CEP78: variants seen among roughly 807,000 people sequenced by gnomAD.
The protein encoded by CEP78 is centrosomal protein of 78 kDa.
CEP78 carries 76 observed loss-of-function variants against 81.2 expected under a neutral mutation model. That is an observed-to-expected ratio of 0.94 (90% CI 0.78 to 1.13). The LOEUF (loss-of-function observed/expected upper bound fraction) is 1.13, where lower values mean the gene tolerates loss of function less well. Among genes scored for constraint, CEP78 ranks in the 50% most tolerant of loss-of-function variants. The pLI is 0.00. For missense variants in CEP78, 918 were observed against 846.8 expected, an observed-to-expected ratio of 1.08 and a Z score of -1.04; for synonymous variants, 293 against 301.4, an observed-to-expected ratio of 0.97 and a Z score of 0.29.
intron 5 of CEP78, 58 bp from the exon 6 acceptor site, chr9:78,246,611 C>G (rs1288455268): frequency 2.5e-5 from 30 of 1,180,982 alleles, no homozygotes; most frequent in Non-Finnish European, 3.0e-5. Context: ...AAAAAACAAA[C>G]AAACAAACAA....
In CEP78 at chr9:78,279,527, A is replaced by T. The variant is rs1204838501; in HGVS notation, c.*8676A>T. 2 of 152,252 alleles carry T rather than the reference A, an allele frequency of 1.3e-5. No individual in the cohort carries two copies. Among genetic ancestry groups the T allele is most frequent in the African/African-American group, 4.8e-5 (2 of 41,474 alleles). 9.4% of individuals were successfully genotyped at this position (152,252 alleles called of 1,614,324 possible). A position where few individuals can be genotyped will look rare whatever the true frequency, so the allele number is the denominator to read the frequency against. Reference sequence around the variant, plus strand: ...AATGAGGCCTGAGAGGTATTGATTCACTTGGTTGAGGGCTTCAAGTAGCAC... The same window carrying T: ...AATGAGGCCTGAGAGGTATTGATTCTCTTGGTTGAGGGCTTCAAGTAGCAC... On this transcript the variant is annotated 3_prime_UTR_variant, in exon 17 of 17. Transcript: ENST00000643273.
At chr9:78,250,394 A>T in intron 8 of CEP78, 1 of 393,766 alleles carries the variant, frequency 2.5e-6, no homozygotes, top group South Asian at 1.4e-4. Context: ...AGGAAACTTT[A>T]TAATTTTTTT....
rs1460451239 is a variant in CEP78 at position 78,236,592 on chromosome 9, T to G, written c.242T>G (p.Leu81Arg). 1 of 1,544,112 alleles carries G rather than the reference T, an allele frequency of 6.5e-7. No individual in the cohort carries two copies. The highest frequency in any genetic ancestry group is 1.4e-5 in the African/African-American group (1 of 72,210). Residue 81 changes from leucine (L) to arginine (R), a missense_variant, in exon 1 of 17, where the codon CTG (leucine) becomes CGG (arginine). Leu to Arg is a moderately radical substitution (Grantham distance 102). Coordinates refer to ENST00000643273, the MANE Select transcript of CEP78 (RefSeq NM_001330691.3). ...ATCAAGAGCTTCTTCCAGCCCTGGC[T>G]GGGGGACACAGGTTTGTAGTTCCCG... ...VSIKSFFQPWLGDTGSDMNKF... is the reference protein window; with the variant it reads ...VSIKSFFQPWRGDTGSDMNKF...
intron 7 of CEP78, 98 bp downstream of exon 7, chr9:78,248,453 T>G (rs1826601330): frequency 1.3e-6 from 1 of 767,252 alleles, no homozygotes; most frequent in Admixed American, 2.3e-5. Context: ...ACTTCTGAGC[T>G]CCAGTGATCT....
chr9:78,261,521 T>A (rs1587600446), intron 11 of CEP78, among the ~76,000 whole-genome samples: 1 of 152,216 alleles, frequency 6.6e-6, no homozygotes, highest in African/African-American at 2.4e-5. Context: ...TATTTCCTTA[T>A]TTTCTTTAAG....
At chr9:78,257,249 T>C (rs1040863205) in intron 11 of CEP78, among the ~76,000 whole-genome samples, 7 of 152,156 alleles carry the variant, frequency 4.6e-5, no homozygotes, top group South Asian at 2.1e-4. Context: ...AACCAGACTT[T>C]ATTATACTTC....
rs1003724082 is a variant in CEP78, at chr9:78,278,763, T to C, written c.*7912T>C. 6.6e-6 allele frequency: 1 copy of C among 152,222 alleles called. No individual in the cohort carries two copies. The highest frequency in any genetic ancestry group is 1.5e-5 in the Non-Finnish European group (1 of 68,038). 9.4% of individuals were successfully genotyped at this position (152,222 alleles called of 1,614,324 possible). ...GCATTTGCAAATTACTTCCAAAGCC[T>C]ACCTTCCTTGAGCTCTTTAACTCTC... On this transcript the variant is annotated 3_prime_UTR_variant, in exon 17 of 17. Transcript: ENST00000643273.
At chr9:78,255,170 G>T (rs965079477) in intron 11 of CEP78, among the ~76,000 whole-genome samples, 1 of 152,114 alleles carries the variant, frequency 6.6e-6, no homozygotes, top group Non-Finnish European at 1.5e-5. Context: ...ATTGAAACAT[G>T]TCATCAGTAA....
chr9:78,265,232 G>GA, intron 13 of CEP78, 140 bp from the exon 14 acceptor site: 1 of 613,974 alleles, frequency 1.6e-6, no homozygotes. Context: ...AATTGGGAGG[G>GA]ATGGGGGTGT....
chr9:78,253,919 C>T (rs1826884613), intron 10 of CEP78: 1 of 152,246 alleles, frequency 6.6e-6, no homozygotes, highest in Admixed American at 6.5e-5. Context: ...GCGTGCATCT[C>T]ATTCTACCGT....
At chr9:78,267,644 A>T (rs1459524464) in intron 16 of CEP78, among the ~76,000 whole-genome samples, 2 of 152,168 alleles carry the variant, frequency 1.3e-5, no homozygotes, top group Non-Finnish European at 2.9e-5. Flanking sequence ...TTAATGAGCT[A>T]TCCTGTTTCA....
Position 78,277,085 on chromosome 9 carries a change from A to G in CEP78, c.*6234A>G, listed in dbSNP as rs1374968231. Reference sequence around the variant, plus strand: ...AAAATGGCATCACAAGTCAGTAGAGAAGGGTTTGAACTATTCAGTAAATGA... The same window carrying G: ...AAAATGGCATCACAAGTCAGTAGAGGAGGGTTTGAACTATTCAGTAAATGA... On this transcript the variant is annotated 3_prime_UTR_variant, in exon 17 of 17. Transcript: ENST00000643273. The G allele has an allele frequency of 6.6e-6, 1 of 152,140 alleles. No homozygotes were observed. Among genetic ancestry groups the G allele is most frequent in the East Asian group, 1.9e-4 (1 of 5,206 alleles). 9.4% of individuals were successfully genotyped at this position (152,140 alleles called of 1,614,324 possible).
Position 78,277,494 on chromosome 9 carries a change from T to C in CEP78, c.*6643T>C, listed in dbSNP as rs1351668969. 6.6e-6 allele frequency: 1 copy of C among 152,158 alleles called. No individual in the cohort carries two copies. The highest frequency in any genetic ancestry group is 1.5e-5 in the Non-Finnish European group (1 of 68,012). The allele number at this position is 152,158 out of a possible 1,614,324, so 9.4% of individuals were successfully genotyped here. A position where few individuals can be genotyped will look rare whatever the true frequency, so the allele number is the denominator to read the frequency against. On this transcript the variant is annotated 3_prime_UTR_variant, in exon 17 of 17. Coordinates refer to ENST00000643273, the MANE Select transcript of CEP78 (RefSeq NM_001330691.3). ...AGAAATACAGACTATAAACATAAACTTTCAACCTCGTAAGCAATCAGGAAA... is the reference window on the plus strand; with the variant it reads ...AGAAATACAGACTATAAACATAAACCTTCAACCTCGTAAGCAATCAGGAAA...
intron 16 of CEP78, among the ~76,000 whole-genome samples, 164 bp from the exon 17 acceptor site, chr9:78,270,677 A>G (rs765081133): frequency 7.9e-5 from 12 of 152,214 alleles, no homozygotes; most frequent in African/African-American, 2.7e-4. Context: ...AGTTCGTCCA[A>G]TTTCAAATGG....
At position 78,241,708 on chromosome 9, in the gene CEP78, G is replaced by T. The variant is rs757714365; in HGVS notation, c.512G>T (p.Gly171Val). 4.3e-5 allele frequency: 68 copies of T among 1,577,480 alleles called. No homozygotes were observed. Among genetic ancestry groups the T allele is most frequent in the Non-Finnish European group, 5.5e-5 (63 of 1,151,342 alleles). ...TTTTCCATTTTAGTTATTTGTCAAG[G>T]TATAAAGAGCTCTATCACTCTTAAG... ...GDGGLEIICQGIKSSITLKTV... is the reference protein window; with the variant it reads ...GDGGLEIICQVIKSSITLKTV... The change falls in exon 4 of 17, where the codon GGT becomes GTT. Residue 171 changes from glycine (G) to valine (V), a missense_variant. By Grantham distance (109) the Gly-to-Val change is moderately radical. Coordinates refer to ENST00000643273, the MANE Select transcript of CEP78 (RefSeq NM_001330691.3).
Position 78,241,724 on chromosome 9 carries a change from C to G in CEP78, c.528C>G (p.Ile176Met), listed in dbSNP as rs1826239723. ...EIICQGIKSSITLKTVNFTGC... is the reference protein window; with the variant it reads ...EIICQGIKSSMTLKTVNFTGC... ...TTTGTCAAGGTATAAAGAGCTCTAT[C>G]ACTCTTAAGACAGTCAACTTCACAG... The change falls in exon 4 of 17, where the codon ATC (isoleucine) becomes ATG (methionine). Residue 176 changes from isoleucine to methionine, a missense_variant. Transcript: ENST00000643273. 6.3e-7 allele frequency: 1 copy of G among 1,599,288 alleles called. No individual in the cohort carries two copies. Among genetic ancestry groups the G allele is most frequent in the African/African-American group, 1.3e-5 (1 of 74,478 alleles).
rs915116150 is a variant in CEP78, at chr9:78,236,077, C to G, written c.-274C>G. The G allele has an allele frequency of 8.3e-6, 4 of 479,568 alleles. No individual in the cohort carries two copies. The African/African-American group carries it at 8.3e-5, about 10-fold the overall frequency. 29.7% of individuals were successfully genotyped at this position (479,568 alleles called of 1,614,324 possible). On this transcript the variant is annotated 5_prime_UTR_variant, in exon 1 of 17. Transcript: ENST00000643273. ...ACCGTTCCACGGCACCGCCCACCGG[C>G]TTGAATCCCGGCGCCTCAGAGGACT...
chr9:78,275,839 C>T lies in CEP78; in HGVS notation c.*4988C>T, dbSNP rs566113990. On this transcript the variant is annotated 3_prime_UTR_variant, in exon 17 of 17. Transcript: ENST00000643273. ...GTGCGTGCATGTAGTCCCAGCCACT[C>T]AGGAGGCTGAAGTGGGAGGATCGCT... is the stretch of plus-strand genomic sequence containing the variant. The T allele has an allele frequency of 1.3e-5, 2 of 152,324 alleles. No individual in the cohort carries two copies. Among genetic ancestry groups the T allele is most frequent in the African/African-American group, 4.8e-5 (2 of 41,466 alleles). The allele number at this position is 152,324 out of a possible 1,614,324, so 9.4% of individuals were successfully genotyped here. A position where few individuals can be genotyped will look rare whatever the true frequency, so the allele number is the denominator to read the frequency against.
intron 8 of CEP78, among the ~76,000 whole-genome samples, chr9:78,251,638 T>A (rs1156655638): frequency 6.6e-6 from 1 of 151,934 alleles, no homozygotes; most frequent in Non-Finnish European, 1.5e-5. Context: ...ATATTCAACT[T>A]ATATTTTAGT....
Sources: allele counts gnomAD v4.1 joint callset (sites outside exome capture counted in the v4.1 genomes callset), GRCh38; gene constraint gnomAD v4.1.1; transcripts MANE v1.5; gene names NCBI Gene and HGNC (gene_info 2026-07-23, HGNC 2026-07-21).